CAST: variants seen among roughly 807,000 people sequenced by gnomAD.
The protein encoded by CAST is MIR583 host.
In CAST, 76 loss-of-function variants were observed where a neutral mutation model predicts 119.6. The observed-to-expected ratio is 0.64, with a 90% CI of 0.53 to 0.77. The LOEUF (loss-of-function observed/expected upper bound fraction) is 0.77, where lower values mean the gene tolerates loss of function less well. Among genes scored for constraint, CAST ranks in the 30% least tolerant of loss-of-function variants. The pLI, the probability that CAST is intolerant of heterozygous loss-of-function variation, is 0.00. For synonymous variants in CAST, 319 were observed against 331.6 expected (o/e 0.96, Z 0.41); for missense variants, 953 against 946.5 (o/e 1.01, Z -0.09).
chr5:96,041,767 G>A, the CAST span, among the ~76,000 whole-genome samples: 1 of 152,226 alleles, frequency 6.6e-6, no homozygotes, highest in East Asian at 1.9e-4. Context: ...AGGGCAGGTT[G>A]TGAATAGTAG....
the CAST span, among the ~76,000 whole-genome samples, chr5:96,117,730 C>T: frequency 6.6e-6 from 1 of 152,142 alleles, no homozygotes; most frequent in Non-Finnish European, 1.5e-5. Context: ...TATTGTTTTG[C>T]TTAGTTTTTA....
At chr5:96,009,731 C>T in the CAST span, among the ~76,000 whole-genome samples, 2 of 152,090 alleles carry the variant, frequency 1.3e-5, no homozygotes, top group African/African-American at 2.4e-5. Context: ...TATTATCTCC[C>T]ATTCTGTAGG....
chr5:96,750,561 T>G, intron 19 of CAST, 26 bp from the exon 20 acceptor site: 1 of 1,476,930 alleles, frequency 6.8e-7, no homozygotes, highest in Non-Finnish European at 9.5e-7. Context: ...TCTAAACTTA[T>G]TGAGAGTACT....
At chr5:96,733,130 G>T (rs1413862152) in intron 9 of CAST, among the ~76,000 whole-genome samples, 1 of 152,084 alleles carries the variant, frequency 6.6e-6, no homozygotes, top group Non-Finnish European at 1.5e-5. Flanking sequence ...ATGGAGCAAA[G>T]GCAACATTTA....
rs1449347194 is a variant in CAST, at chr5:96,774,580, A to G, written c.*1964A>G. 5 of 985,516 alleles carry G rather than the reference A, an allele frequency of 5.1e-6. No individual in the cohort carries two copies. Among genetic ancestry groups the G allele is most frequent in the Non-Finnish European group, 6.0e-6 (5 of 829,848 alleles). The allele number at this position is 985,516 out of a possible 1,614,324, so 61.0% of individuals were successfully genotyped here. On this transcript the variant is annotated 3_prime_UTR_variant, in exon 32 of 32. Transcript: ENST00000675179. The stretch of plus-strand genomic sequence containing the variant: ...TAGAAAATGGGCTTTTCCAAAAGCA[A>G]ACAAAGATAGGTTCCTCAGGTGACC...
rs114715693 is a variant in CAST at position 96,570,622 on chromosome 5, G to C, written c.60+40742G>C. Among the ~76,000 whole-genome samples the C allele has an allele frequency of 5.4e-3, 825 of 152,272 alleles. 11 individuals are homozygous for C. Among genetic ancestry groups the C allele is most frequent in the African/African-American group, 0.019 (796 of 41,554 alleles). ...ACAATGAAAATAGAATGAAGGTAAAGAGGATGCTTAAAACATGTAGAGTGT... is the reference window on the plus strand; with the variant it reads ...ACAATGAAAATAGAATGAAGGTAAACAGGATGCTTAAAACATGTAGAGTGT... On this transcript the variant is annotated intron_variant, in intron 1 of 11. Transcript: ENST00000505143.
chr5:96,361,797 C>T, the CAST span, among the ~76,000 whole-genome samples: 13 of 138,270 alleles, frequency 9.4e-5, no homozygotes, highest in East Asian at 8.3e-4. Flanking sequence ...CCAGCCACAC[C>T]GCTCTAGTAT....
At chr5:96,416,787 A>G in the CAST span, among the ~76,000 whole-genome samples, 1 of 152,190 alleles carries the variant, frequency 6.6e-6, no homozygotes. Context: ...CCTGAACATG[A>G]TTGGTTTTGC....
chr5:96,100,652 T>C, the CAST span, among the ~76,000 whole-genome samples: 1 of 152,170 alleles, frequency 6.6e-6, no homozygotes, highest in African/African-American at 2.4e-5. Context: ...TCTTATCTTC[T>C]TCATTTTTCT....
the CAST span, among the ~76,000 whole-genome samples, chr5:96,256,804 G>A: frequency 6.6e-6 from 1 of 152,040 alleles, no homozygotes; most frequent in South Asian, 2.1e-4. Flanking sequence ...TTATTTTCCT[G>A]TTATTATTTA....
At chr5:96,735,439 C>G (rs553752975) in intron 9 of CAST, among the ~76,000 whole-genome samples, 1 of 152,296 alleles carries the variant, frequency 6.6e-6, no homozygotes, top group African/African-American at 2.4e-5. Flanking sequence ...GCATTTGCCT[C>G]TGGCCATAGA....
the CAST span, among the ~76,000 whole-genome samples, chr5:96,284,704 A>T: frequency 6.7e-6 from 1 of 149,136 alleles, no homozygotes; most frequent in Non-Finnish European, 1.5e-5. Flanking sequence ...AGAAAATACC[A>T]GGAGGAAAGT....
the CAST span, among the ~76,000 whole-genome samples, chr5:96,035,051 A>C: frequency 1.1e-5 from 1 of 94,448 alleles, no homozygotes; most frequent in African/African-American, 4.0e-5. Context: ...GTATATATAT[A>C]TATATATATA....
the CAST span, among the ~76,000 whole-genome samples, chr5:96,219,072 A>G: frequency 2.6e-5 from 4 of 152,200 alleles, no homozygotes; most frequent in Non-Finnish European, 5.9e-5. Context: ...GGCACAGGAT[A>G]AGTGCTCAGT....
the CAST span, among the ~76,000 whole-genome samples, chr5:96,128,390 G>A: frequency 6.6e-6 from 1 of 152,006 alleles, no homozygotes; most frequent in Non-Finnish European, 1.5e-5. Flanking sequence ...GCACAGTTAG[G>A]TTTTGCTTAG....
chr5:96,621,627 T>G (rs1006801626), intron 1 of CAST, among the ~76,000 whole-genome samples: 1 of 152,168 alleles, frequency 6.6e-6, no homozygotes, highest in African/African-American at 2.4e-5. Context: ...ACTGCTCCCG[T>G]GAGCCAATCA....
chr5:96,320,726 A>C, the CAST span, among the ~76,000 whole-genome samples: 1 of 152,364 alleles, frequency 6.6e-6, no homozygotes, highest in East Asian at 1.9e-4. Flanking sequence ...TAGTTGTACA[A>C]TAGACAGTCC....
At chr5:96,557,586 C>T (rs1368488272) in intron 1 of CAST, among the ~76,000 whole-genome samples, 1 of 152,054 alleles carries the variant, frequency 6.6e-6, no homozygotes, top group Non-Finnish European at 1.5e-5. Flanking sequence ...AGACTTTAAA[C>T]CAACAAAGAT....
chr5:96,512,370 G>C, the CAST span, among the ~76,000 whole-genome samples: 1 of 152,130 alleles, frequency 6.6e-6, no homozygotes. Flanking sequence ...TTTTGCAAGT[G>C]CTTCCCACCC....
Sources: allele counts gnomAD v4.1 joint callset (sites outside exome capture counted in the v4.1 genomes callset), GRCh38; gene constraint gnomAD v4.1.1; transcripts MANE v1.5; gene names NCBI Gene and HGNC (gene_info 2026-07-23, HGNC 2026-07-21).